DCLK2: variants seen among roughly 807,000 people sequenced by gnomAD.
DCLK2 encodes the protein serine/threonine-protein kinase DCLK2.
A neutral mutation model predicts 78.4 loss-of-function variants in DCLK2; 31 were observed. The ratio of observed to expected loss-of-function variants is 0.40; its 90% CI spans 0.30 to 0.53. The LOEUF (loss-of-function observed/expected upper bound fraction) is 0.53, where lower values mean the gene tolerates loss of function less well. Ranked by LOEUF, DCLK2 falls within the 20% of genes least tolerant of loss-of-function variation. The probability of loss-of-function intolerance (pLI) is 0.61; values close to 1 mark genes in which losing one functional copy is unlikely to be tolerated. For synonymous variants in DCLK2, 407 were observed against 374.9 expected (o/e 1.09, Z -0.99); for missense variants, 872 against 973.7 (o/e 0.90, Z 1.39).
chr4:150,249,706 T>C, intron 15 of DCLK2, 22 bp downstream of exon 15: 2 of 1,596,200 alleles, frequency 1.3e-6, no homozygotes, highest in Non-Finnish European at 1.7e-6. Context: ...GCGGCAGGTC[T>C]GGCCTGACTG....
chr4:150,197,659 G>A (rs751685737), intron 3 of DCLK2, among the ~76,000 whole-genome samples: 2 of 152,132 alleles, frequency 1.3e-5, no homozygotes, highest in Non-Finnish European at 2.9e-5. Context: ...GGAGGCTGAG[G>A]CAAGAGAATC....
At position 150,090,117 on chromosome 4, in the gene DCLK2, C is replaced by T. The variant is rs545277345; in HGVS notation, c.421+10669C>T. ...TAAAGTTTTATCATCAAAATAAACG[C>T]CCTATGGGCTGGGCACGGTGGCTCA... On this transcript the variant is annotated intron_variant, in intron 1 of 15. Transcript: ENST00000296550. 7.5e-4 allele frequency among the ~76,000 whole-genome samples: 113 copies of T among 150,392 alleles called. 3 individuals are homozygous for T. The South Asian group carries it at 0.016, about 22-fold the overall frequency.
chr4:150,229,731 C>T (rs1741898760), intron 8 of DCLK2, among the ~76,000 whole-genome samples: 1 of 152,146 alleles, frequency 6.6e-6, no homozygotes, highest in South Asian at 2.1e-4. Context: ...CATTTACTCT[C>T]ACTCAGAACT....
chr4:150,182,988 C>T (rs957326192), intron 2 of DCLK2, among the ~76,000 whole-genome samples: 8 of 152,006 alleles, frequency 5.3e-5, no homozygotes, highest in African/African-American at 9.7e-5. Context: ...CACCACCAAC[C>T]GCCCCCACCA....
intron 5 of DCLK2, among the ~76,000 whole-genome samples, chr4:150,204,650 G>A (rs1380200162): frequency 6.6e-6 from 1 of 152,140 alleles, no homozygotes; most frequent in Admixed American, 6.5e-5. Context: ...CCAGCACTTT[G>A]GGAGGCTGAG....
intron 12 of DCLK2, among the ~76,000 whole-genome samples, chr4:150,240,750 A>T (rs79870895): frequency 0.012 from 982 of 84,676 alleles, 8 homozygotes; most frequent in Admixed American, 0.021. Context: ...AAAATATAAT[A>T]AAAAAAAAAA....
intron 2 of DCLK2, among the ~76,000 whole-genome samples, chr4:150,186,894 ATGTGTGTGTGTG>A (rs10683241): frequency 8.1e-5 from 12 of 147,498 alleles, no homozygotes; most frequent in Non-Finnish European, 1.2e-4. Flanking sequence ...CTATCTCAAA[ATGTGTGTGTGTG>A]TGTGTGTGTG....
At position 150,178,254 on chromosome 4, in the gene DCLK2, CTAAG is replaced by C. The variant is rs377398428; in HGVS notation, c.757-14881_757-14878del. Among the ~76,000 whole-genome samples the C allele has an allele frequency of 7.9e-5, 12 of 152,258 alleles. 1 individual carries two copies. Among genetic ancestry groups the C allele is most frequent in the African/African-American group, 2.9e-4 (12 of 41,546 alleles). The stretch of plus-strand genomic sequence containing the variant: ...CTATCTTGCTTTGAATTCTTCTAAA[CTAAG>C]TATTTGCTCTATCAACTTGCAAATC... On this transcript the variant is annotated intron_variant, in intron 2 of 15. Coordinates refer to ENST00000296550, the MANE Select transcript of DCLK2 (RefSeq NM_001040260.4).
At chr4:150,141,389 T>A (rs1263289657) in intron 2 of DCLK2, among the ~76,000 whole-genome samples, 1 of 152,116 alleles carries the variant, frequency 6.6e-6, no homozygotes, top group Non-Finnish European at 1.5e-5. Flanking sequence ...ATTTCTCAGG[T>A]GTTTCTGTTG....
intron 2 of DCLK2, among the ~76,000 whole-genome samples, chr4:150,192,295 A>G (rs1262251735): frequency 6.6e-6 from 1 of 152,134 alleles, no homozygotes; most frequent in Non-Finnish European, 1.5e-5. Context: ...CCTGGCCAAC[A>G]TGGTGAAACC....
chr4:150,088,886 A>G (rs1194121260), intron 1 of DCLK2, among the ~76,000 whole-genome samples: 1 of 151,270 alleles, frequency 6.6e-6, no homozygotes, highest in Non-Finnish European at 1.5e-5. Context: ...GCACACTCAC[A>G]AGGAGTAATA....
chr4:150,234,085 G>C (rs1269351192), intron 10 of DCLK2, among the ~76,000 whole-genome samples: 1 of 152,102 alleles, frequency 6.6e-6, no homozygotes, highest in Non-Finnish European at 1.5e-5. Context: ...TCAGTTTTTA[G>C]TTAAGACTTG....
At chr4:150,132,258 G>A (rs545229988) in intron 2 of DCLK2, among the ~76,000 whole-genome samples, 4 of 152,308 alleles carry the variant, frequency 2.6e-5, no homozygotes, top group Non-Finnish European at 4.4e-5. Flanking sequence ...TAATGGGAAC[G>A]TCATTCTCAG....
chr4:150,224,574 C>A lies in DCLK2; in HGVS notation c.1299+16C>A. 7 of 1,594,914 alleles carry A rather than the reference C, an allele frequency of 4.4e-6. No individual in the cohort carries two copies. The highest frequency in any genetic ancestry group is 6.0e-6 in the Non-Finnish European group (7 of 1,173,154). Reference sequence around the variant, plus strand: ...TTGTGGAAAGGTATAGTATGCATAACCCCTAGTTCTGAAAGAAACTAGAGT... The same window carrying A: ...TTGTGGAAAGGTATAGTATGCATAAACCCTAGTTCTGAAAGAAACTAGAGT... On this transcript the variant is annotated intron_variant, in intron 8 of 15. Transcript: ENST00000296550.
intron 4 of DCLK2, among the ~76,000 whole-genome samples, chr4:150,198,334 C>T (rs1310686629): frequency 1.3e-5 from 2 of 152,144 alleles, no homozygotes; most frequent in East Asian, 1.9e-4. Context: ...TTGGGAACAG[C>T]TTGATGATCT....
chr4:150,247,140 AT>A (rs778721879), intron 12 of DCLK2, among the ~76,000 whole-genome samples: 84 of 151,826 alleles, frequency 5.5e-4, no homozygotes, highest in African/African-American at 1.2e-3. Context: ...GCAGATACTG[AT>A]TTTTTTCCCC....
chr4:150,100,936 G>A (rs955787767), intron 1 of DCLK2, among the ~76,000 whole-genome samples: 1 of 152,150 alleles, frequency 6.6e-6, no homozygotes, highest in Non-Finnish European at 1.5e-5. Context: ...CCCTTAAATA[G>A]AAGACATTGC....
rs1422212774 is a variant in DCLK2, at chr4:150,256,988, T to A, written c.*741T>A. The stretch of plus-strand genomic sequence containing the variant: ...GGGCGGTGTGGGTTTCCCCCAGCTC[T>A]TCCCACACGTGTGTTAGGAAATGCC... On this transcript the variant is annotated 3_prime_UTR_variant, in exon 16 of 16. Transcript: ENST00000296550. 6.6e-6 allele frequency: 1 copy of A among 152,274 alleles called. No individual in the cohort carries two copies. The highest frequency in any genetic ancestry group is 2.4e-5 in the African/African-American group (1 of 41,476). 9.4% of individuals were successfully genotyped at this position (152,274 alleles called of 1,614,324 possible).
intron 1 of DCLK2, among the ~76,000 whole-genome samples, chr4:150,100,423 A>G (rs1730807678): frequency 6.6e-6 from 1 of 152,228 alleles, no homozygotes; most frequent in African/African-American, 2.4e-5. Flanking sequence ...AGGTTGACCA[A>G]GGAAATCTGA....
Sources: gnomAD v4.1 joint callset for allele counts (sites outside exome capture counted in the v4.1 genomes callset) on GRCh38, gnomAD v4.1.1 for gene constraint, MANE v1.5 for transcripts, NCBI Gene and HGNC (gene_info 2026-07-23, HGNC 2026-07-21) for gene names.